The following NEMP1 variants were observed in gnomAD, a reference collection of about 807,000 sequenced individuals.
NEMP1 encodes transmembrane protein 194.
A neutral mutation model predicts 53.7 loss-of-function variants in NEMP1; 29 were observed. That is an observed-to-expected ratio of 0.54 (90% CI 0.40 to 0.74). The LOEUF (loss-of-function observed/expected upper bound fraction) is 0.74. Ranked by LOEUF, NEMP1 falls within the 30% of genes least tolerant of loss-of-function variation. The pLI is 0.00. For synonymous variants in NEMP1, 193 were observed against 192.9 expected, an observed-to-expected ratio of 1.00 and a Z score of 0.00; for missense variants, 477 against 528.6, an observed-to-expected ratio of 0.90 and a Z score of 0.96.
chr12:57,078,862 G>C (rs1044640071), upstream of NEMP1: 15 of 1,208,880 alleles, frequency 1.2e-5, no homozygotes, highest in African/African-American at 6.1e-5. Context: ...GGGATGGGCA[G>C]GGCTTCGAGC....
At chr12:57,061,907 G>A (rs1265937834) in intron 7 of NEMP1, among the ~76,000 whole-genome samples, 24 of 151,718 alleles carry the variant, frequency 1.6e-4, no homozygotes, top group African/African-American at 5.8e-4. Context: ...GCTGAGGCAG[G>A]AGAATCGCTT....
intron 1 of NEMP1, among the ~76,000 whole-genome samples, chr12:57,074,031 T>G (rs1269538237): frequency 2.0e-5 from 3 of 152,024 alleles, no homozygotes; most frequent in African/African-American, 7.3e-5. Flanking sequence ...TACAGTAATG[T>G]GATCATAGCT....
rs539060781 is a variant in NEMP1 at position 57,068,701 on chromosome 12, G to C, written c.545+533C>G. ...CTGCCTCAGCCTCACAAGTAGCTGG[G>C]ACTACAGGCGCCCGCCACCACGCCT... On this transcript the variant is annotated intron_variant, in intron 4 of 8. Coordinates refer to ENST00000300128, the MANE Select transcript of NEMP1 (RefSeq NM_001130963.2). Among the ~76,000 whole-genome samples the C allele has an allele frequency of 5.9e-3, 905 of 152,258 alleles. 3 individuals are homozygous for C. The highest frequency in any genetic ancestry group is 0.01 in the Non-Finnish European group (712 of 68,026).
chr12:57,087,880 T>C (rs1444274946), intron 1 of NEMP1: 2 of 152,010 alleles, frequency 1.3e-5, no homozygotes, highest in Non-Finnish European at 2.9e-5. Flanking sequence ...TTAGAGTCTA[T>C]GGGCCGGGCC....
At chr12:57,071,995 T>C (rs931314441) in intron 2 of NEMP1, among the ~76,000 whole-genome samples, 3 of 152,342 alleles carry the variant, frequency 2.0e-5, no homozygotes, top group Middle Eastern at 3.4e-3. Context: ...AACAGTGTTA[T>C]GAAATAAATG....
At chr12:57,067,943 T>C (rs1343170591) in intron 4 of NEMP1, among the ~76,000 whole-genome samples, 1 of 152,044 alleles carries the variant, frequency 6.6e-6, no homozygotes, top group Non-Finnish European at 1.5e-5. Flanking sequence ...CTAATTTTTG[T>C]ATTTTTTTGT....
rs146573230 is a variant in NEMP1 at position 57,084,361 on chromosome 12, G to T, written n.113+3590C>A. Among the ~76,000 whole-genome samples the T allele has an allele frequency of 5.9e-5, 9 of 152,248 alleles. No individual in the cohort carries two copies. The East Asian group carries it at 1.7e-3, about 29-fold the overall frequency. ...GAAGGCTATTCCAGAGTTTTGAGAA[G>T]GAACACTCCATTCCACATACTCAGT... On this transcript the variant is annotated intron_variant and non_coding_transcript_variant, in intron 1 of 2. Coordinates refer to the NEMP1 transcript ENST00000553654.
chr12:57,062,810 C>G (rs2031882013), intron 7 of NEMP1, among the ~76,000 whole-genome samples: 1 of 152,144 alleles, frequency 6.6e-6, no homozygotes, highest in African/African-American at 2.4e-5. Context: ...CGCCACTGCA[C>G]TCCAGCCTGG....
chr12:57,080,117 G>A (rs909129196), upstream of NEMP1, among the ~76,000 whole-genome samples: 3 of 152,170 alleles, frequency 2.0e-5, no homozygotes, highest in Admixed American at 2.0e-4. Flanking sequence ...GAGCCACTAT[G>A]TCTGGCTTAA....
intron 7 of NEMP1, 34 bp from the exon 8 acceptor site, chr12:57,060,979 A>C (rs1436877809): frequency 1.7e-5 from 28 of 1,602,834 alleles, no homozygotes; most frequent in Non-Finnish European, 2.4e-5. Flanking sequence ...TGAATCATTA[A>C]TCAGTAATCT....
At chr12:57,087,307 T>G (rs1465501179) in intron 1 of NEMP1, among the ~76,000 whole-genome samples, 9 of 133,278 alleles carry the variant, frequency 6.8e-5, no homozygotes, top group Non-Finnish European at 8.3e-5. Flanking sequence ...GGGGCCGGGG[T>G]GGGAGGGAGG....
intron 1 of NEMP1, among the ~76,000 whole-genome samples, chr12:57,086,132 G>A (rs559576147): frequency 2.3e-4 from 35 of 152,306 alleles, no homozygotes; most frequent in Non-Finnish European, 4.6e-4. Flanking sequence ...AGTCGGATCT[G>A]GCCCAGTGGA....
At chr12:57,062,397 T>C (rs566161049) in intron 7 of NEMP1, among the ~76,000 whole-genome samples, 11 of 152,014 alleles carry the variant, frequency 7.2e-5, no homozygotes, top group Non-Finnish European at 1.5e-4. Context: ...GAAGAATCAC[T>C]TGAACCCGGG....
Position 57,057,009 on chromosome 12 carries a change from G to A in NEMP1, c.*2870C>T, listed in dbSNP as rs1340530162. The A allele has an allele frequency of 6.6e-6, 1 of 152,180 alleles. No individual in the cohort carries two copies. The highest frequency in any genetic ancestry group is 1.9e-4 in the East Asian group (1 of 5,200). 9.4% of individuals were successfully genotyped at this position (152,180 alleles called of 1,614,324 possible). Reference sequence around the variant, plus strand: ...GCTAACAGGAATTACTTATTAGAAGGTAATGAAGTTGCTAAATTTTCCTTG... The same window carrying A: ...GCTAACAGGAATTACTTATTAGAAGATAATGAAGTTGCTAAATTTTCCTTG... On this transcript the variant is annotated 3_prime_UTR_variant, in exon 9 of 9. Coordinates refer to ENST00000300128, the MANE Select transcript of NEMP1 (RefSeq NM_001130963.2).
At chr12:57,081,941 G>A (rs1399384291), upstream of NEMP1, among the ~76,000 whole-genome samples, 1 of 151,092 alleles carries the variant, frequency 6.6e-6, no homozygotes, top group Non-Finnish European at 1.5e-5. Context: ...CACGGAGGCT[G>A]AGCATGGTGG....
chr12:57,073,092 TTTAA>T (rs2032428075), intron 1 of NEMP1, among the ~76,000 whole-genome samples, 180 bp from the exon 2 acceptor site: 1 of 152,100 alleles, frequency 6.6e-6, no homozygotes, highest in Non-Finnish European at 1.5e-5. Context: ...ATTTCTGTCG[TTTAA>T]TTATTTAAAT....
chr12:57,081,583 A>G (rs772644187), upstream of NEMP1, among the ~76,000 whole-genome samples: 5 of 149,418 alleles, frequency 3.3e-5, no homozygotes, highest in Non-Finnish European at 5.9e-5. Flanking sequence ...GGTGGTCTAG[A>G]TGGGATCCTG....
chr12:57,074,870 T>C (rs1257521298), intron 1 of NEMP1, among the ~76,000 whole-genome samples: 3 of 150,162 alleles, frequency 2.0e-5, no homozygotes, highest in Non-Finnish European at 4.4e-5. Flanking sequence ...GACGGATCAC[T>C]TGAGGTCAGG....
rs144432455 is a variant in NEMP1, at chr12:57,084,119, C to T, written n.113+3832G>A. ...CTGGGATTACAGGCATGCGCCACCA[C>T]GCCCAGGTAATTTTTGTATTTTTAG... On this transcript the variant is annotated intron_variant and non_coding_transcript_variant, in intron 1 of 2. Coordinates refer to the NEMP1 transcript ENST00000553654. 9.9e-3 allele frequency among the ~76,000 whole-genome samples: 1,502 copies of T among 152,318 alleles called. 22 individuals are homozygous for T. Among genetic ancestry groups the T allele is most frequent in the African/African-American group, 0.034 (1,415 of 41,568 alleles).
Sources: gnomAD v4.1 joint callset for allele counts (sites outside exome capture counted in the v4.1 genomes callset) on GRCh38, gnomAD v4.1.1 for gene constraint, MANE v1.5 for transcripts, NCBI Gene and HGNC (gene_info 2026-07-23, HGNC 2026-07-21) for gene names.